Variants in LMO7 observed in about 807,000 individuals in gnomAD.
LMO7 encodes the protein LIM domain 7, also known as LIM domain only protein 7.
In LMO7, 120 loss-of-function variants were observed where a neutral mutation model predicts 206.5. The observed-to-expected ratio is 0.58, with a 90% CI of 0.50 to 0.68. The LOEUF is 0.68. Among genes scored for constraint, LMO7 ranks in the 30% least tolerant of loss-of-function variants. The pLI is 0.00. For missense variants in LMO7, 1,959 were observed against 1,957.9 expected, an observed-to-expected ratio of 1.00 and a Z score of -0.01; for synonymous variants, 706 against 681.5, an observed-to-expected ratio of 1.04 and a Z score of -0.56.
At chr13:75,632,862 G>GTT (rs10690832), upstream of LMO7, among the ~76,000 whole-genome samples, 21 of 102,144 alleles carry the variant, frequency 2.1e-4, 5 homozygotes, top group African/African-American at 3.2e-4. Flanking sequence ...TTACTTAAAA[G>GTT]TTTTTTTTTT....
At chr13:75,736,205 G>A (rs527746134) in intron 3 of LMO7, among the ~76,000 whole-genome samples, 34 of 152,184 alleles carry the variant, frequency 2.2e-4, no homozygotes, top group Middle Eastern at 3.4e-3. Flanking sequence ...CTGTGTTTCC[G>A]GTATATTAAA....
In LMO7 at chr13:75,750,984, G is replaced by A. The variant is rs9573650; in HGVS notation, c.211-9948G>A. ...CTGCTTCAAGTAATAGTTATCTCTT[G>A]ATTGCTGGCACATACTTGCTAACAT... On this transcript the variant is annotated intron_variant, in intron 3 of 30. Transcript: ENST00000377534. 5.8e-3 allele frequency among the ~76,000 whole-genome samples: 882 copies of A among 152,158 alleles called. 5 individuals are homozygous for A. Among genetic ancestry groups the A allele is most frequent in the South Asian group, 0.02 (96 of 4,814 alleles).
intron 6 of LMO7, among the ~76,000 whole-genome samples, chr13:75,799,301 G>T (rs1393653806): frequency 6.6e-6 from 1 of 152,172 alleles, no homozygotes; most frequent in Admixed American, 6.5e-5. Context: ...ATAATTAAAA[G>T]TTGAAAGAAG....
At chr13:75,740,395 A>C (rs2046318142) in intron 3 of LMO7, among the ~76,000 whole-genome samples, 1 of 152,244 alleles carries the variant, frequency 6.6e-6, no homozygotes. Flanking sequence ...TTGAGGCTAC[A>C]ATGAGCTATG....
chr13:75,648,402 G>A (rs1306032754), intron 1 of LMO7, among the ~76,000 whole-genome samples: 5 of 152,162 alleles, frequency 3.3e-5, no homozygotes, highest in Non-Finnish European at 7.3e-5. Flanking sequence ...AGCTGAAGCC[G>A]GCAGGCCCAG....
chr13:75,709,889 A>C (rs2042951520), intron 1 of LMO7, among the ~76,000 whole-genome samples: 1 of 152,272 alleles, frequency 6.6e-6, no homozygotes, highest in African/African-American at 2.4e-5. Flanking sequence ...TATGTCCTGA[A>C]TGGTATTGCC....
intron 1 of LMO7, among the ~76,000 whole-genome samples, chr13:75,710,013 A>G (rs1486822417): frequency 1.3e-5 from 2 of 152,224 alleles, no homozygotes; most frequent in African/African-American, 4.8e-5. Context: ...AGCTTTCTAC[A>G]TATGGCTAGC....
intron 4 of LMO7, among the ~76,000 whole-genome samples, chr13:75,790,173 G>A (rs1278498733): frequency 6.6e-6 from 1 of 152,162 alleles, no homozygotes; most frequent in Non-Finnish European, 1.5e-5. Flanking sequence ...TCTCTTCTGA[G>A]GAAGAAAACT....
intron 25 of LMO7, among the ~76,000 whole-genome samples, chr13:75,844,476 C>T (rs1241423113): frequency 1.3e-5 from 2 of 150,238 alleles, no homozygotes; most frequent in Non-Finnish European, 1.5e-5. Context: ...GTGGGGTGAT[C>T]TCAGCTCACT....
intron 4 of LMO7, among the ~76,000 whole-genome samples, chr13:75,763,258 T>C (rs2048422175): frequency 6.6e-6 from 1 of 152,096 alleles, no homozygotes; most frequent in Non-Finnish European, 1.5e-5. Context: ...TACACTTTAA[T>C]GCACGGGATA....
At chr13:75,696,246 T>C (rs1344488570) in intron 1 of LMO7, among the ~76,000 whole-genome samples, 3 of 152,056 alleles carry the variant, frequency 2.0e-5, no homozygotes, top group Non-Finnish European at 4.4e-5. Flanking sequence ...TTCCAGCTAC[T>C]TGGGAAGCTG....
intron 1 of LMO7, among the ~76,000 whole-genome samples, chr13:75,684,479 A>G (rs1270438731): frequency 6.6e-6 from 1 of 150,902 alleles, no homozygotes; most frequent in African/African-American, 2.4e-5. Context: ...TCCTGACCTC[A>G]GGTGATCCGC....
At chr13:75,725,797 G>A (rs1461510823) in intron 2 of LMO7, among the ~76,000 whole-genome samples, 1 of 152,004 alleles carries the variant, frequency 6.6e-6, no homozygotes, top group African/African-American at 2.4e-5. Context: ...TAGAAACCAT[G>A]AAAACAGGAA....
chr13:75,698,788 T>C (rs1023643908), intron 1 of LMO7, among the ~76,000 whole-genome samples: 4 of 152,122 alleles, frequency 2.6e-5, no homozygotes, highest in Non-Finnish European at 5.9e-5. Flanking sequence ...AGTGTACAGT[T>C]CAAATAAATT....
chr13:75,676,745 A>G (rs1408994345), intron 1 of LMO7, among the ~76,000 whole-genome samples: 1 of 152,226 alleles, frequency 6.6e-6, no homozygotes, highest in Non-Finnish European at 1.5e-5. Context: ...GAGGAGTGCT[A>G]CGTAAATAAG....
At chr13:75,681,073 G>T (rs1455767790) in intron 1 of LMO7, among the ~76,000 whole-genome samples, 1 of 151,972 alleles carries the variant, frequency 6.6e-6, no homozygotes, top group Non-Finnish European at 1.5e-5. Context: ...ACCTTTGTCA[G>T]ATGGATAATT....
intron 16 of LMO7, among the ~76,000 whole-genome samples, chr13:75,833,820 A>G (rs2058893208): frequency 6.6e-6 from 1 of 152,126 alleles, no homozygotes; most frequent in African/African-American, 2.4e-5. Flanking sequence ...TATTTTAGTT[A>G]TGGAGTAATT....
At chr13:75,800,449 C>T (rs2054581664) in intron 6 of LMO7, among the ~76,000 whole-genome samples, 1 of 151,980 alleles carries the variant, frequency 6.6e-6, no homozygotes, top group Admixed American at 6.6e-5. Context: ...TGAATATCTC[C>T]TTATTATTAC....
At chr13:75,820,067 A>G (rs117428907) in intron 13 of LMO7, among the ~76,000 whole-genome samples, 8,506 of 152,316 alleles carry the variant, frequency 0.056, 306 homozygotes, top group South Asian at 0.094. Flanking sequence ...TAAAGCATTC[A>G]TTACTGTGTG....
Sources: gnomAD v4.1 joint callset for allele counts (sites outside exome capture counted in the v4.1 genomes callset) on GRCh38, gnomAD v4.1.1 for gene constraint, MANE v1.5 for transcripts, NCBI Gene and HGNC (gene_info 2026-07-23, HGNC 2026-07-21) for gene names.